Variants in CTNND2 observed in about 807,000 individuals in gnomAD.
CTNND2 encodes the protein catenin delta-2.
In CTNND2, 22 loss-of-function variants were observed where a neutral mutation model predicts 144.4. That is an observed-to-expected ratio of 0.15 (90% CI 0.11 to 0.22). The LOEUF (loss-of-function observed/expected upper bound fraction) is 0.22. Ranked by LOEUF, CTNND2 falls within the 10% of genes least tolerant of loss-of-function variation. The pLI is 1.00. For synonymous variants in CTNND2, 751 were observed against 695.6 expected (o/e 1.08, Z -1.25); for missense variants, 1,353 against 1,618.8 (o/e 0.84, Z 2.82).
intron 11 of CTNND2, among the ~76,000 whole-genome samples, chr5:11,188,717 A>G (rs1735916757): frequency 6.6e-6 from 1 of 152,172 alleles, no homozygotes; most frequent in Admixed American, 6.5e-5. Flanking sequence ...GCCATCCCAT[A>G]AGGAAGGGGG....
chr5:11,655,513 C>T (rs1782865418), intron 2 of CTNND2, among the ~76,000 whole-genome samples: 1 of 152,044 alleles, frequency 6.6e-6, no homozygotes, highest in African/African-American at 2.4e-5. Context: ...TGAAAAGAAA[C>T]TCATTATTCT....
chr5:11,015,407 G>T (rs1343783781), intron 18 of CTNND2, among the ~76,000 whole-genome samples: 1 of 152,132 alleles, frequency 6.6e-6, no homozygotes, highest in Non-Finnish European at 1.5e-5. Context: ...TAAATCATGG[G>T]TCCACTGAAA....
At chr5:11,149,205 C>T (rs1218362421) in intron 12 of CTNND2, among the ~76,000 whole-genome samples, 1 of 152,228 alleles carries the variant, frequency 6.6e-6, no homozygotes, top group African/African-American at 2.4e-5. Flanking sequence ...TTTCCTCCAA[C>T]CACCTGACTC....
chr5:10,976,410 T>A (rs902661637), intron 21 of CTNND2, among the ~76,000 whole-genome samples: 1 of 152,196 alleles, frequency 6.6e-6, no homozygotes, highest in African/African-American at 2.4e-5. Context: ...CAGATTTGGA[T>A]GAGGGATGTA....
Position 11,542,609 on chromosome 5 carries a change from C to A in CTNND2, c.287+22335G>T, listed in dbSNP as rs1354689035. Among the ~76,000 whole-genome samples, 3 of 152,128 alleles carry A rather than the reference C, an allele frequency of 2.0e-5. No homozygotes were observed. In the South Asian group the frequency reaches 6.2e-4, roughly 32 times the overall value. On this transcript the variant is annotated intron_variant, in intron 3 of 21. Coordinates refer to ENST00000304623, the MANE Select transcript of CTNND2 (RefSeq NM_001332.4). ...AATGATGTATGTATTCAATAATATA[C>A]TTAAGAAGGCATATAATCCAGTCAA...
chr5:11,519,458 C>T (rs116726143), intron 3 of CTNND2, among the ~76,000 whole-genome samples: 1 of 151,804 alleles, frequency 6.6e-6, no homozygotes, highest in Non-Finnish European at 1.5e-5. Flanking sequence ...CTATTCCCAG[C>T]CACTGTGACT....
At chr5:11,664,489 G>A (rs1480423748) in intron 2 of CTNND2, among the ~76,000 whole-genome samples, 2 of 152,200 alleles carry the variant, frequency 1.3e-5, no homozygotes, top group African/African-American at 4.8e-5. Context: ...TACTCAGCAG[G>A]AGAATCACTT....
intron 1 of CTNND2, among the ~76,000 whole-genome samples, chr5:11,855,243 G>C (rs1312707654): frequency 6.6e-6 from 1 of 152,198 alleles, no homozygotes; most frequent in African/African-American, 2.4e-5. Context: ...AGATACCAAA[G>C]GTCGGTGGTG....
chr5:11,133,193 T>C (rs903670741), intron 12 of CTNND2, among the ~76,000 whole-genome samples: 1 of 152,108 alleles, frequency 6.6e-6, no homozygotes. Flanking sequence ...AGAAAAAATA[T>C]ACAGAAAACA....
In CTNND2 at chr5:11,077,935, A is replaced by AT. The variant is rs556278162; in HGVS notation, c.2788+4760dup. 2.0e-4 allele frequency among the ~76,000 whole-genome samples: 29 copies of AT among 142,494 alleles called. No individual in the cohort carries two copies. In the South Asian group the frequency reaches 3.6e-3, roughly 18 times the overall value. The allele number at this position is 142,494 out of a possible 152,430, so 93.5% of individuals were successfully genotyped here. On this transcript the variant is annotated intron_variant, in intron 16 of 21. Transcript: ENST00000304623. ...CAGGTCTCTGCAAGAATAACTGGTC[A>AT]TTTTCTGGGGGAATACTATGGAAGG...
chr5:11,209,704 C>T (rs185882938), intron 10 of CTNND2, among the ~76,000 whole-genome samples: 350 of 152,226 alleles, frequency 2.3e-3, no homozygotes, highest in Non-Finnish European at 3.7e-3. Flanking sequence ...GGGCAGATCA[C>T]GAGGTCAGGA....
At chr5:11,022,266 A>T (rs988723773) in intron 17 of CTNND2, among the ~76,000 whole-genome samples, 2 of 152,170 alleles carry the variant, frequency 1.3e-5, no homozygotes, top group African/African-American at 4.8e-5. Context: ...GTGACTTGTT[A>T]AATTAAATAT....
chr5:11,320,134 C>T (rs956705745), intron 9 of CTNND2, among the ~76,000 whole-genome samples: 2 of 152,172 alleles, frequency 1.3e-5, no homozygotes, highest in African/African-American at 4.8e-5. Context: ...ATTCAACTGG[C>T]ATAGTTCACT....
intron 2 of CTNND2, among the ~76,000 whole-genome samples, chr5:11,707,963 A>AT (rs1785800489): frequency 6.6e-6 from 1 of 152,184 alleles, no homozygotes; most frequent in African/African-American, 2.4e-5. Context: ...CATTTTGCTA[A>AT]TTGTAGGATA....
chr5:11,240,730 G>GCA (rs780270727), intron 9 of CTNND2, among the ~76,000 whole-genome samples: 2 of 81,278 alleles, frequency 2.5e-5, no homozygotes, highest in Non-Finnish European at 2.5e-5. Flanking sequence ...CACACACTCA[G>GCA]CACACACACA....
At chr5:11,852,088 G>T (rs1216888600) in intron 1 of CTNND2, among the ~76,000 whole-genome samples, 1 of 151,982 alleles carries the variant, frequency 6.6e-6, no homozygotes, top group South Asian at 2.1e-4. Context: ...GGCATTCATT[G>T]TTCCTTCCCC....
intron 16 of CTNND2, among the ~76,000 whole-genome samples, chr5:11,031,249 T>C (rs973825280): frequency 1.3e-5 from 2 of 152,196 alleles, no homozygotes; most frequent in African/African-American, 4.8e-5. Context: ...CCTCTGTGTT[T>C]GTGTCACTGT....
intron 1 of CTNND2, among the ~76,000 whole-genome samples, chr5:11,900,590 T>C (rs1353232028): frequency 2.0e-5 from 3 of 152,240 alleles, no homozygotes; most frequent in Non-Finnish European, 4.4e-5. Context: ...TATAATCAGA[T>C]AACTTGAAGC....
chr5:11,584,260 G>A (rs1778655146), intron 2 of CTNND2, among the ~76,000 whole-genome samples: 1 of 152,120 alleles, frequency 6.6e-6, no homozygotes, highest in Non-Finnish European at 1.5e-5. Context: ...CTCCTTGTAG[G>A]AACACGTATG....
Sources: allele counts gnomAD v4.1 joint callset (sites outside exome capture counted in the v4.1 genomes callset), GRCh38; gene constraint gnomAD v4.1.1; transcripts MANE v1.5; gene names NCBI Gene and HGNC (gene_info 2026-07-23, HGNC 2026-07-21).